CCDC81: variants seen among roughly 807,000 people sequenced by gnomAD.
The protein encoded by CCDC81 is coiled-coil domain-containing protein 81.
In CCDC81, 79 loss-of-function variants were observed where a neutral mutation model predicts 83.7. The observed-to-expected ratio is 0.94, with a 90% CI of 0.79 to 1.14. The LOEUF (loss-of-function observed/expected upper bound fraction) is 1.14. CCDC81 is among the 50% of genes most tolerant of loss of function. The probability of loss-of-function intolerance (pLI) is 0.00; values close to 1 mark genes in which losing one functional copy is unlikely to be tolerated. For synonymous variants in CCDC81, 252 were observed against 278.1 expected, an observed-to-expected ratio of 0.91 and a Z score of 0.93; for missense variants, 791 against 778.1, an observed-to-expected ratio of 1.02 and a Z score of -0.20.
intron 5 of CCDC81, 47 bp from the exon 6 acceptor site, chr11:86,397,574 C>T: frequency 6.4e-7 from 1 of 1,566,220 alleles, no homozygotes; most frequent in Non-Finnish European, 8.6e-7. Flanking sequence ...CACACAGTTA[C>T]CTGTTCAGGT....
At position 86,422,563 on chromosome 11, in the gene CCDC81, C is replaced by T; in HGVS notation, c.1818-11C>T. ...GAACCTGCTGATCGGCATTTGCTCT[C>T]CTCTCCTCAGGGCTTCAGACAAGCT... On this transcript the variant is annotated splice_polypyrimidine_tract_variant and intron_variant, in intron 14 of 14. Coordinates refer to ENST00000445632, the MANE Select transcript of CCDC81 (RefSeq NM_001156474.2). 2 of 1,609,580 alleles carry T rather than the reference C, an allele frequency of 1.2e-6. No homozygotes were observed. The highest frequency in any genetic ancestry group is 8.5e-7 in the Non-Finnish European group (1 of 1,176,788).
At chr11:86,409,387 G>A in intron 10 of CCDC81, 22 bp downstream of exon 10, 1 of 1,263,092 alleles carries the variant, frequency 7.9e-7, no homozygotes, top group Non-Finnish European at 1.1e-6. Context: ...AAAAATTTCT[G>A]TTGCTAACAC....
intron 1 of CCDC81, among the ~76,000 whole-genome samples, chr11:86,377,125 T>C (rs1948108397): frequency 1.3e-5 from 2 of 152,160 alleles, no homozygotes; most frequent in South Asian, 2.1e-4. Flanking sequence ...TGATAGCTCA[T>C]TTCTTTTTAG....
intron 3 of CCDC81, among the ~76,000 whole-genome samples, chr11:86,388,209 C>CTT (rs1395731961): frequency 1.4e-5 from 2 of 139,422 alleles, no homozygotes; most frequent in African/African-American, 2.8e-5. Flanking sequence ...TCCCTCCTTC[C>CTT]CTCCTTCCTT....
rs186466644 is a variant in CCDC81 at position 86,422,282 on chromosome 11, G to A, written c.1818-292G>A. Among the ~76,000 whole-genome samples, 23 of 152,306 alleles carry A rather than the reference G, an allele frequency of 1.5e-4. No homozygotes were observed. In the East Asian group the frequency reaches 4.2e-3, roughly 28 times the overall value. On this transcript the variant is annotated intron_variant, in intron 14 of 14. Coordinates refer to ENST00000445632, the MANE Select transcript of CCDC81 (RefSeq NM_001156474.2). ...CAGAGAGGCTTTGGAGCCACTGTCT[G>A]CTGGCTGTGTGACCTTCGGCAAGTT... is the stretch of plus-strand genomic sequence containing the variant.
In CCDC81 at chr11:86,407,637, A is replaced by G; in HGVS notation, c.905A>G (p.Lys302Arg). The change falls in exon 8 of 15, where the codon AAA (lysine) becomes AGA (arginine). Residue 302 changes from lysine (K) to arginine (R), a missense_variant. Physicochemically the swap from Lys to Arg is conservative, Grantham distance 26 (BLOSUM62 2). Coordinates refer to ENST00000445632, the MANE Select transcript of CCDC81 (RefSeq NM_001156474.2). Reference sequence around the variant, plus strand: ...AGCTTATCATATCCAAGTTGTCTGAAACACGACAGTGAGATGAAGCCCCAA... The same window carrying G: ...AGCTTATCATATCCAAGTTGTCTGAGACACGACAGTGAGATGAAGCCCCAA... ...PESLSYPSCLKHDSEMKPQTS... is the reference protein window; with the variant it reads ...PESLSYPSCLRHDSEMKPQTS... 1 of 1,613,420 alleles carries G rather than the reference A, an allele frequency of 6.2e-7. No homozygotes were observed. Among genetic ancestry groups the G allele is most frequent in the South Asian group, 1.1e-5 (1 of 90,950 alleles).
chr11:86,423,008 G>A lies in CCDC81; in HGVS notation c.*293G>A. 1 of 317,712 alleles carries A rather than the reference G, an allele frequency of 3.1e-6. No individual in the cohort carries two copies. Among genetic ancestry groups the A allele is most frequent in the Non-Finnish European group, 5.8e-6 (1 of 172,654 alleles). The allele number at this position is 317,712 out of a possible 1,614,324, so 19.7% of individuals were successfully genotyped here. A position where few individuals can be genotyped will look rare whatever the true frequency, so the allele number is the denominator to read the frequency against. On this transcript the variant is annotated 3_prime_UTR_variant, in exon 15 of 15. Coordinates refer to ENST00000445632, the MANE Select transcript of CCDC81 (RefSeq NM_001156474.2). ...ATCCAGCTTCATTATGGCTGCTGGG[G>A]TGCTGCTGACCCAGCCCTGCTGCTG... is the stretch of plus-strand genomic sequence containing the variant.
chr11:86,389,151 C>T (rs573319058), intron 3 of CCDC81, among the ~76,000 whole-genome samples: 12 of 152,066 alleles, frequency 7.9e-5, no homozygotes, highest in Middle Eastern at 3.4e-3. Context: ...AAAACTTAGA[C>T]GGGCATGATG....
chr11:86,387,004 ACAGAAACC>A (rs1948251227), intron 2 of CCDC81, among the ~76,000 whole-genome samples: 1 of 152,088 alleles, frequency 6.6e-6, no homozygotes, highest in Non-Finnish European at 1.5e-5. Context: ...CTCCAGGGAG[ACAGAAACC>A]CAGTATGAGA....
Position 86,375,024 on chromosome 11 carries a change from T to C in CCDC81, c.-140T>C, listed in dbSNP as rs1948079757. 1 of 764,206 alleles carries C rather than the reference T, an allele frequency of 1.3e-6. No homozygotes were observed. The allele number at this position is 764,206 out of a possible 1,614,324, so 47.3% of individuals were successfully genotyped here. A position where few individuals can be genotyped will look rare whatever the true frequency, so the allele number is the denominator to read the frequency against. ...AAAAGAGTCAAGAAGTTCAAGATTT[T>C]CGTCACTCTTATTTTTAAGGCACAT... On this transcript the variant is annotated 5_prime_UTR_variant, in exon 1 of 15. Coordinates refer to ENST00000445632, the MANE Select transcript of CCDC81 (RefSeq NM_001156474.2).
chr11:86,389,964 G>T lies in CCDC81; in HGVS notation c.298+2292G>T, dbSNP rs1282766576. Among the ~76,000 whole-genome samples, 4 of 152,196 alleles carry T rather than the reference G, an allele frequency of 2.6e-5. No homozygotes were observed. In the South Asian group the frequency reaches 6.2e-4, roughly 24 times the overall value. The stretch of plus-strand genomic sequence containing the variant: ...ACTAAAAATACAAAAAACTAGCTGG[G>T]CGTGGTGGTGCATGCCTGTAGTTCC... On this transcript the variant is annotated intron_variant, in intron 3 of 14. Transcript: ENST00000445632.
chr11:86,406,479 T>C (rs1012053205), intron 7 of CCDC81, among the ~76,000 whole-genome samples: 1 of 152,196 alleles, frequency 6.6e-6, no homozygotes, highest in African/African-American at 2.4e-5. Context: ...TGTTTGAGCT[T>C]CTGAATCTGT....
Position 86,414,853 on chromosome 11 carries a change from G to A in CCDC81, c.1456G>A (p.Ala486Thr). ...KMEETQCYKRALDAQIKNKPS... is the reference protein window; with the variant it reads ...KMEETQCYKRTLDAQIKNKPS... ...GGAAGAAACACAGTGTTACAAGAGA[G>A]CTTTGGATGCACAGGTAAGGGGACA... The change falls in exon 12 of 15, where the codon GCT becomes ACT. Residue 486 changes from alanine to threonine, a missense_variant. By Grantham distance (58) the Ala-to-Thr change is moderately conservative. Coordinates refer to ENST00000445632, the MANE Select transcript of CCDC81 (RefSeq NM_001156474.2). 1 of 1,609,134 alleles carries A rather than the reference G, an allele frequency of 6.2e-7. No homozygotes were observed. The highest frequency in any genetic ancestry group is 8.5e-7 in the Non-Finnish European group (1 of 1,178,830).
In CCDC81 at chr11:86,387,626, G is replaced by A; in HGVS notation, c.252G>A (p.Lys84=). The change falls in exon 3 of 15, where the codon AAG becomes AAA. Residue 84 remains lysine (K), a synonymous_variant. Coordinates refer to ENST00000445632, the MANE Select transcript of CCDC81 (RefSeq NM_001156474.2). ...GGCCTGTGTTTATCATGGTGGAGAA[G>A]CTAGTGCAGATTCATGGACTCAAAC... is the stretch of plus-strand genomic sequence containing the variant. ...IQRPVFIMVE[K]LVQIHGLKQN... The A allele has an allele frequency of 6.2e-7, 1 of 1,611,314 alleles. No individual in the cohort carries two copies. The highest frequency in any genetic ancestry group is 2.2e-5 in the East Asian group (1 of 44,840).
At chr11:86,395,042 T>C (rs1948384898) in intron 4 of CCDC81, 1 of 216,226 alleles carries the variant, frequency 4.6e-6, no homozygotes, top group Admixed American at 5.6e-5. Flanking sequence ...AAGTCTGCTA[T>C]CTTCTTAAAG....
chr11:86,410,538 G>C, intron 10 of CCDC81, among the ~76,000 whole-genome samples: 1 of 152,222 alleles, frequency 6.6e-6, no homozygotes, highest in East Asian at 1.9e-4. Flanking sequence ...GGGAGGAAGA[G>C]CATTCCAGGC....
At chr11:86,400,324 G>C (rs941497117) in intron 6 of CCDC81, among the ~76,000 whole-genome samples, 1 of 151,820 alleles carries the variant, frequency 6.6e-6, no homozygotes, top group East Asian at 1.9e-4. Flanking sequence ...TATATCTATC[G>C]AAAGATCTTT....
At chr11:86,383,748 C>T (rs563083890) in intron 1 of CCDC81, among the ~76,000 whole-genome samples, 36 of 152,284 alleles carry the variant, frequency 2.4e-4, no homozygotes, top group African/African-American at 4.6e-4. Context: ...TGTCAGAAAA[C>T]GTCAAATTTA....
chr11:86,419,871 A>G, intron 13 of CCDC81, 57 bp from the exon 14 acceptor site: 1 of 1,527,918 alleles, frequency 6.5e-7, no homozygotes, highest in Admixed American at 2.2e-5. Flanking sequence ...TGGGGCTCCC[A>G]AATTTGGTGC....
Sources: gnomAD v4.1 joint callset for allele counts (sites outside exome capture counted in the v4.1 genomes callset) on GRCh38, gnomAD v4.1.1 for gene constraint, MANE v1.5 for transcripts, NCBI Gene and HGNC (gene_info 2026-07-23, HGNC 2026-07-21) for gene names.